Variants in MACF1 observed in about 807,000 individuals in gnomAD.
MACF1 encodes the protein microtubule actin crosslinking factor 1.
A neutral mutation model predicts 854.8 loss-of-function variants in MACF1; 193 were observed. The observed-to-expected ratio is 0.23, with a 90% confidence interval of 0.20 to 0.25. The LOEUF is 0.25. Ranked by LOEUF, MACF1 falls within the 10% of genes least tolerant of loss-of-function variation. The pLI, the probability that MACF1 is intolerant of heterozygous loss-of-function variation, is 1.00. For synonymous variants in MACF1, 3,185 were observed against 3,226.7 expected (o/e 0.99, Z 0.44); for missense variants, 7,722 against 8,929.1 (o/e 0.86, Z 5.45).
At position 39,297,765 on chromosome 1, in the gene MACF1, G is replaced by A. The variant is rs772561131; in HGVS notation, c.2481+20G>A. On this transcript the variant is annotated intron_variant, in intron 21 of 100. Transcript: ENST00000564288. ...TCCATGGTGGGTGTTGCCTCAGTGGGGATGATTACTTCTGAGAAAGAGAGT... is the reference window on the plus strand; with the variant it reads ...TCCATGGTGGGTGTTGCCTCAGTGGAGATGATTACTTCTGAGAAAGAGAGT... 1 of 1,613,014 alleles carries A rather than the reference G, an allele frequency of 6.2e-7. No homozygotes were observed. The highest frequency in any genetic ancestry group is 8.5e-7 in the Non-Finnish European group (1 of 1,179,564).
In MACF1 at chr1:39,368,128, T is replaced by G. The variant is rs754068671; in HGVS notation, c.12772-20T>G. 1 of 1,611,704 alleles carries G rather than the reference T, an allele frequency of 6.2e-7. No homozygotes were observed. Among genetic ancestry groups the G allele is most frequent in the Admixed American group, 1.7e-5 (1 of 59,946 alleles). ...TATAAGGATTAGAGGATTTAATACA[T>G]TTCCTTGTTTGCTTGACAGGAGCTC... On this transcript the variant is annotated intron_variant, in intron 49 of 100. Transcript: ENST00000564288.
intron 28 of MACF1, 81 bp from the exon 29 acceptor site, chr1:39,317,133 G>A (rs1052519383): frequency 3.4e-5 from 46 of 1,355,036 alleles, no homozygotes; most frequent in African/African-American, 4.4e-5. Flanking sequence ...GCTGTAGACC[G>A]TGTCCTTGTT....
chr1:39,292,892 C>T, intron 17 of MACF1, 49 bp downstream of exon 17: 1 of 1,439,192 alleles, frequency 6.9e-7, no homozygotes, highest in Non-Finnish European at 9.6e-7. Flanking sequence ...GTCTGGTTCC[C>T]CCCAATCAAC....
At chr1:39,405,216 T>C (rs1056110789) in intron 58 of MACF1, among the ~76,000 whole-genome samples, 2 of 152,180 alleles carry the variant, frequency 1.3e-5, no homozygotes, top group African/African-American at 4.8e-5. Flanking sequence ...CGTAGCCATG[T>C]TTATAATAAT....
intron 64 of MACF1, among the ~76,000 whole-genome samples, 174 bp from the exon 65 acceptor site, chr1:39,429,653 A>T (rs775385721): frequency 6.6e-5 from 10 of 152,150 alleles, no homozygotes; most frequent in Non-Finnish European, 8.8e-5. Context: ...TCTTTTATCC[A>T]GTGGAAAGTT....
At chr1:39,297,264 T>C (rs1040587188) in intron 20 of MACF1, among the ~76,000 whole-genome samples, 1 of 152,106 alleles carries the variant, frequency 6.6e-6, no homozygotes, top group Non-Finnish European at 1.5e-5. Flanking sequence ...GATTATTTCA[T>C]AGTATGAATT....
intron 58 of MACF1, among the ~76,000 whole-genome samples, chr1:39,404,045 C>G (rs1218967368): frequency 6.6e-6 from 1 of 151,930 alleles, no homozygotes; most frequent in African/African-American, 2.4e-5. Flanking sequence ...AGGAGAATCG[C>G]TTGAACTTGA....
chr1:39,337,645 C>T (rs570492191), intron 38 of MACF1, among the ~76,000 whole-genome samples: 2 of 147,096 alleles, frequency 1.4e-5, no homozygotes, highest in South Asian at 4.4e-4. Flanking sequence ...CGGCTCACTG[C>T]AACCTCCGCC....
At chr1:39,439,098 AG>A (rs1644046884) in intron 71 of MACF1, among the ~76,000 whole-genome samples, 175 bp from the exon 72 acceptor site, 1 of 151,834 alleles carries the variant, frequency 6.6e-6, no homozygotes, top group South Asian at 2.1e-4. Context: ...AAAAAAAAAA[AG>A]AAAAAGAAAT....
intron 58 of MACF1, among the ~76,000 whole-genome samples, chr1:39,393,196 A>AAAAAATATATATATATATATATATAT (rs57576149): frequency 1.5e-5 from 1 of 66,576 alleles, no homozygotes; most frequent in African/African-American, 8.4e-5. Context: ...AAAAAAAAAA[A>AAAAAATATATATATATATATATATAT]ATATATATAT....
chr1:39,122,098 T>TA (rs879898553), intron 2 of MACF1, among the ~76,000 whole-genome samples: 3 of 151,552 alleles, frequency 2.0e-5, no homozygotes, highest in East Asian at 1.9e-4. Flanking sequence ...CGCTCTTGAG[T>TA]AAAAAAAAAT....
chr1:39,397,673 A>G (rs1642327387), intron 58 of MACF1, among the ~76,000 whole-genome samples: 2 of 152,194 alleles, frequency 1.3e-5, no homozygotes, highest in Admixed American at 6.5e-5. Context: ...CAGAAAGCCT[A>G]TTTTATAATA....
At chr1:39,305,438 A>G (rs1027437373) in intron 23 of MACF1, among the ~76,000 whole-genome samples, 1 of 152,144 alleles carries the variant, frequency 6.6e-6, no homozygotes, top group Non-Finnish European at 1.5e-5. Context: ...TTGCTGGGTT[A>G]TAAATCCACA....
chr1:39,284,968 G>A (rs1645616386), intron 11 of MACF1, 115 bp from the exon 12 acceptor site: 1 of 1,396,912 alleles, frequency 7.2e-7, no homozygotes, highest in South Asian at 1.4e-5. Context: ...TTAGACAATA[G>A]GAAAAACTGC....
chr1:39,173,923 C>T (rs908013714), intron 2 of MACF1, among the ~76,000 whole-genome samples: 45 of 152,154 alleles, frequency 3.0e-4, no homozygotes, highest in African/African-American at 1.1e-3. Flanking sequence ...TGCCTTTTCT[C>T]TCTCTCTTTT....
intron 95 of MACF1, chr1:39,468,000 A>T (rs1406816099): frequency 1.3e-5 from 2 of 152,192 alleles, no homozygotes; most frequent in African/African-American, 4.8e-5. Flanking sequence ...AATCTCTTTT[A>T]AAAAAATAAA....
intron 2 of MACF1, among the ~76,000 whole-genome samples, chr1:39,179,124 C>T (rs1229941572): frequency 6.6e-6 from 1 of 152,224 alleles, no homozygotes; most frequent in Non-Finnish European, 1.5e-5. Context: ...CTTATCTTAG[C>T]CAGGGCTGCC....
Position 39,388,527 on chromosome 1 carries a change from C to T in MACF1, c.15685C>T (p.Arg5229Cys), listed in dbSNP as rs557747438. The T allele has an allele frequency of 1.5e-5, 24 of 1,614,000 alleles. No homozygotes were observed. The highest frequency in any genetic ancestry group is 6.7e-5 in the Admixed American group (4 of 59,982). The part of the protein sequence containing the change: ...RQEQLELTLG[R>C]VEDFYRKLKG... ...GGAACAGCTGGAACTGACACTAGGC[C>T]GTGTAGAGGACTTCTACAGGAAATT... is the stretch of plus-strand genomic sequence containing the variant. The change falls in exon 58 of 101, where the codon CGT (arginine) becomes TGT (cysteine). Residue 5229 changes from arginine (R) to cysteine (C), a missense_variant. Arg to Cys is a radical substitution (Grantham distance 180). This residue lies in a region of MACF1 where 2,807 missense variants were observed against 3,235.8 expected (regional missense o/e 0.87). Transcript: ENST00000564288.
rs1175531964 is a variant in MACF1 at position 39,349,511 on chromosome 1, C to A, written c.10849C>A (p.Gln3617Lys). The A allele has an allele frequency of 6.2e-7, 1 of 1,614,018 alleles. No individual in the cohort carries two copies. Among genetic ancestry groups the A allele is most frequent in the Non-Finnish European group, 8.5e-7 (1 of 1,179,946 alleles). Residue 3617 changes from glutamine (Q) to lysine (K), a missense_variant, in exon 42 of 101, where the codon CAA becomes AAA. Physicochemically the swap from Gln to Lys is moderately conservative, Grantham distance 53 (BLOSUM62 1). Transcript: ENST00000564288. ...GAAACAACAAAATACCTGTCACCAG[C>A]AACTGGAGGATCTTTGCAGTTGGGT... Reference protein sequence around the residue: ...LQKQQNTCHQQLEDLCSWVGQ... With the variant: ...LQKQQNTCHQKLEDLCSWVGQ...
Sources: gnomAD v4.1 joint callset for allele counts (sites outside exome capture counted in the v4.1 genomes callset) on GRCh38, gnomAD v4.1.1 for gene constraint, gnomAD v4.1.1 regional missense constraint, MANE v1.5 for transcripts, NCBI Gene and HGNC (gene_info 2026-07-23, HGNC 2026-07-21) for gene names.